The following DOCK3 variants were observed in gnomAD, a reference collection of about 807,000 sequenced individuals.
DOCK3 encodes the protein dedicator of cytokinesis 3, also known as dedicator of cytokinesis protein 3.
DOCK3 carries 60 observed loss-of-function variants against 265.6 expected under a neutral mutation model. The ratio of observed to expected loss-of-function variants is 0.23; its 90% CI spans 0.18 to 0.28. The LOEUF is 0.28. DOCK3 is among the 10% of genes least tolerant of loss of function. The pLI is 1.00. For missense variants in DOCK3, 1,981 were observed against 2,594.3 expected (o/e 0.76, Z 5.14); for synonymous variants, 881 against 938.0 (o/e 0.94, Z 1.11).
chr3:51,287,370 A>G (rs2081464001), intron 27 of DOCK3, among the ~76,000 whole-genome samples: 1 of 151,972 alleles, frequency 6.6e-6, no homozygotes, highest in African/African-American at 2.4e-5. Flanking sequence ...GCAGCATAGC[A>G]AGACCCCATC....
At chr3:50,737,940 G>A (rs183416178) in intron 1 of DOCK3, among the ~76,000 whole-genome samples, 17 of 152,234 alleles carry the variant, frequency 1.1e-4, no homozygotes, top group Middle Eastern at 3.4e-3. Context: ...TTCCTTGGTG[G>A]TGTCATAATT....
intron 1 of DOCK3, among the ~76,000 whole-genome samples, chr3:50,695,376 A>G (rs946064703): frequency 1.3e-5 from 2 of 152,246 alleles, no homozygotes; most frequent in Admixed American, 1.3e-4. Flanking sequence ...ATCTAAGTGC[A>G]CAAGAAAAAT....
chr3:51,192,864 T>C (rs1266022908), intron 12 of DOCK3, among the ~76,000 whole-genome samples: 1 of 152,158 alleles, frequency 6.6e-6, no homozygotes, highest in Non-Finnish European at 1.5e-5. Flanking sequence ...AGAAGTCTAC[T>C]AGCTAACTCG....
chr3:50,886,109 A>G (rs2048316707), intron 3 of DOCK3, among the ~76,000 whole-genome samples: 1 of 151,280 alleles, frequency 6.6e-6, no homozygotes, highest in South Asian at 2.1e-4. Flanking sequence ...ATTCACCACT[A>G]TGTTATTTTG....
chr3:50,859,484 G>A (rs1341712991), intron 3 of DOCK3, among the ~76,000 whole-genome samples: 4 of 151,996 alleles, frequency 2.6e-5, no homozygotes, highest in African/African-American at 9.7e-5. Flanking sequence ...CCAAAGTGCT[G>A]GGATTACAGG....
chr3:50,877,524 T>G, intron 3 of DOCK3: 2 of 520,162 alleles, frequency 3.8e-6, no homozygotes, highest in Admixed American at 1.9e-5. Context: ...GCTTCTGTAA[T>G]GTGATGAAGA....
At chr3:51,155,819 G>T (rs2085820710) in intron 10 of DOCK3, among the ~76,000 whole-genome samples, 1 of 152,142 alleles carries the variant, frequency 6.6e-6, no homozygotes, top group African/African-American at 2.4e-5. Flanking sequence ...ATACAAATGT[G>T]TGAAAGTATA....
rs2033846728 is a variant in DOCK3, at chr3:50,675,246, G to T, written c.-18G>T. 8.4e-7 allele frequency: 1 copy of T among 1,189,308 alleles called. No individual in the cohort carries two copies. Among genetic ancestry groups the T allele is most frequent in the Non-Finnish European group, 1.1e-6 (1 of 951,852 alleles). 73.7% of individuals were successfully genotyped at this position (1,189,308 alleles called of 1,614,324 possible). On this transcript the variant is annotated 5_prime_UTR_variant, in exon 1 of 53. Transcript: ENST00000266037. The surrounding 1 kb of genome is among the most constrained non-coding windows in gnomAD (Gnocchi z 6.1). ...GTCGCCCGGTCGCCGCGCCCGCGGG[G>T]CCGCGCCCGGCACGGCCATGTGGAC...
intron 5 of DOCK3, among the ~76,000 whole-genome samples, chr3:50,967,013 C>T (rs2108435272): frequency 6.6e-6 from 1 of 151,884 alleles, no homozygotes; most frequent in East Asian, 1.9e-4. Context: ...TATTTGTTAC[C>T]TCAAACACTT....
intron 4 of DOCK3, among the ~76,000 whole-genome samples, chr3:50,908,143 A>AT (rs1433655789): frequency 4.6e-5 from 6 of 129,638 alleles, no homozygotes; most frequent in Non-Finnish European, 1.0e-4. Context: ...TATTTTATTA[A>AT]TTTTTTCAAA....
At chr3:50,891,314 C>G (rs1484020246) in intron 4 of DOCK3, among the ~76,000 whole-genome samples, 5 of 151,866 alleles carry the variant, frequency 3.3e-5, no homozygotes, top group Admixed American at 1.3e-4. Flanking sequence ...GTATGCCTTC[C>G]AATATAAAAT....
intron 9 of DOCK3, among the ~76,000 whole-genome samples, chr3:51,097,953 C>A (rs1187654318): frequency 6.6e-6 from 1 of 152,194 alleles, no homozygotes; most frequent in Non-Finnish European, 1.5e-5. Context: ...CACTGTCTAA[C>A]CAGCCCCAAT....
intron 1 of DOCK3, among the ~76,000 whole-genome samples, chr3:50,698,575 T>C (rs547072975): frequency 1.4e-4 from 19 of 136,790 alleles, no homozygotes; most frequent in African/African-American, 5.0e-4. Flanking sequence ...TGCTGGATCA[T>C]ATGGTAATTT....
intron 27 of DOCK3, among the ~76,000 whole-genome samples, chr3:51,288,005 G>A (rs2081506496): frequency 6.6e-6 from 1 of 152,194 alleles, no homozygotes. Flanking sequence ...TGGGGCTGGA[G>A]GCCATTGTCC....
intron 37 of DOCK3, among the ~76,000 whole-genome samples, chr3:51,340,117 G>C (rs961496717): frequency 3.3e-5 from 5 of 152,166 alleles, no homozygotes; most frequent in African/African-American, 9.7e-5. Flanking sequence ...TGAAGAGAAA[G>C]ACTTTGATAA....
chr3:51,216,155 G>C (rs1414830806), intron 14 of DOCK3, among the ~76,000 whole-genome samples: 1 of 152,108 alleles, frequency 6.6e-6, no homozygotes, highest in Non-Finnish European at 1.5e-5. Context: ...TACTACCTTC[G>C]TGATAGTCTT....
At chr3:51,303,437 C>T (rs1221679618) in intron 27 of DOCK3, among the ~76,000 whole-genome samples, 1 of 152,186 alleles carries the variant, frequency 6.6e-6, no homozygotes, top group Non-Finnish European at 1.5e-5. Flanking sequence ...AGCCTCTGCC[C>T]AGTTCTTTGC....
At chr3:51,243,297 A>C (rs1231452635) in intron 21 of DOCK3, among the ~76,000 whole-genome samples, 4 of 152,274 alleles carry the variant, frequency 2.6e-5, no homozygotes, top group African/African-American at 9.6e-5. Context: ...CTCCCTGCCA[A>C]CTCAAGTATC....
chr3:50,765,885 T>C (rs1238122025), intron 1 of DOCK3, among the ~76,000 whole-genome samples: 2 of 152,170 alleles, frequency 1.3e-5, no homozygotes, highest in East Asian at 3.8e-4. Context: ...ACTGCAACTT[T>C]GTTTGACCAA....
Sources: gnomAD v4.1 joint callset for allele counts (sites outside exome capture counted in the v4.1 genomes callset) on GRCh38, gnomAD v4.1.1 for gene constraint, Gnocchi (gnomAD v3.1) non-coding constraint, MANE v1.5 for transcripts, NCBI Gene and HGNC (gene_info 2026-07-23, HGNC 2026-07-21) for gene names.